The following ARHGAP26 variants were observed in gnomAD, a reference collection of about 807,000 sequenced individuals.
ARHGAP26 encodes Rho GTPase activating protein 26.
Under a neutral mutation model 104.8 loss-of-function variants are expected in ARHGAP26, and 38 were observed. That is an observed-to-expected ratio of 0.36 (90% confidence interval 0.28 to 0.48). The LOEUF is 0.48. ARHGAP26 is among the 20% of genes least tolerant of loss of function. The pLI, the probability that ARHGAP26 is intolerant of heterozygous loss-of-function variation, is 0.99. For synonymous variants in ARHGAP26, 341 were observed against 340.0 expected (o/e 1.00, Z -0.03); for missense variants, 704 against 947.9 (o/e 0.74, Z 3.38).
intron 10 of ARHGAP26, among the ~76,000 whole-genome samples, chr5:142,924,478 A>G (rs1763627572): frequency 6.6e-6 from 1 of 152,250 alleles, no homozygotes; most frequent in Non-Finnish European, 1.5e-5. Context: ...AAATAATGGT[A>G]GTGTCTACTT....
chr5:143,089,758 A>G lies in ARHGAP26; in HGVS notation c.1539-31230A>G, dbSNP rs1791126069. Among the ~76,000 whole-genome samples the G allele has an allele frequency of 2.0e-5, 3 of 152,262 alleles. No homozygotes were observed. In the South Asian group the frequency reaches 6.2e-4, roughly 32 times the overall value. On this transcript the variant is annotated intron_variant, in intron 17 of 22. Coordinates refer to ENST00000645722, the MANE Select transcript of ARHGAP26 (RefSeq NM_001135608.3). ...AAATATTGACTCAAATTCTGCAGCT[A>G]TTTTATTTCGGGCTTGAAATTGTTC...
At chr5:143,005,501 CAA>C (rs1777818663) in intron 11 of ARHGAP26, among the ~76,000 whole-genome samples, 1 of 152,214 alleles carries the variant, frequency 6.6e-6, no homozygotes, top group African/African-American at 2.4e-5. Flanking sequence ...CAGCCCCACC[CAA>C]ACCATATGAA....
chr5:143,061,795 G>A (rs1786749832), intron 17 of ARHGAP26, among the ~76,000 whole-genome samples: 1 of 152,178 alleles, frequency 6.6e-6, no homozygotes, highest in Admixed American at 6.5e-5. Flanking sequence ...CTAGCTCCTC[G>A]CAGAGTCCCA....
At chr5:142,808,743 G>A (rs1461310033) in intron 1 of ARHGAP26, among the ~76,000 whole-genome samples, 1 of 152,026 alleles carries the variant, frequency 6.6e-6, no homozygotes, top group East Asian at 1.9e-4. Context: ...TGGGACTAGG[G>A]TTGAGCTCCA....
intron 4 of ARHGAP26, among the ~76,000 whole-genome samples, chr5:142,880,083 C>G (rs1209721674): frequency 6.6e-6 from 1 of 152,214 alleles, no homozygotes; most frequent in Non-Finnish European, 1.5e-5. Context: ...CTGCTTCAAC[C>G]TGGAGATCAC....
chr5:142,973,965 A>G (rs1256075066), intron 11 of ARHGAP26, among the ~76,000 whole-genome samples: 1 of 152,118 alleles, frequency 6.6e-6, no homozygotes, highest in African/African-American at 2.4e-5. Context: ...ATACATTTTG[A>G]AGATTATTTT....
intron 1 of ARHGAP26, chr5:142,771,191 G>T: frequency 7.8e-7 from 1 of 1,284,314 alleles, no homozygotes; most frequent in Non-Finnish European, 9.8e-7. Context: ...GTGGGCGTGG[G>T]CGTGCGCGGC....
intron 8 of ARHGAP26, among the ~76,000 whole-genome samples, chr5:142,904,560 T>C (rs1760841712): frequency 6.6e-6 from 1 of 151,890 alleles, no homozygotes; most frequent in East Asian, 1.9e-4. Context: ...CTCATTGTTC[T>C]GCCAGTGATG....
At chr5:143,199,248 T>G (rs1807337654) in intron 20 of ARHGAP26, among the ~76,000 whole-genome samples, 1 of 152,224 alleles carries the variant, frequency 6.6e-6, no homozygotes, top group Non-Finnish European at 1.5e-5. Context: ...CATAAAGTTG[T>G]GAAGTACATA....
chr5:143,076,307 A>G (rs1431259246), intron 17 of ARHGAP26, among the ~76,000 whole-genome samples: 1 of 151,888 alleles, frequency 6.6e-6, no homozygotes, highest in Non-Finnish European at 1.5e-5. Flanking sequence ...CTTTTCTGTC[A>G]TCTCTGTCAG....
chr5:142,962,164 C>A (rs1770366073), intron 11 of ARHGAP26, among the ~76,000 whole-genome samples: 1 of 152,194 alleles, frequency 6.6e-6, no homozygotes, highest in Non-Finnish European at 1.5e-5. Flanking sequence ...ACAGATTATA[C>A]CAGACATTTC....
chr5:143,096,162 A>G (rs1431764871), intron 17 of ARHGAP26, among the ~76,000 whole-genome samples: 1 of 152,244 alleles, frequency 6.6e-6, no homozygotes, highest in Non-Finnish European at 1.5e-5. Flanking sequence ...TTCTTAGCCT[A>G]CATTGCTCAT....
At chr5:143,182,476 A>C (rs1021239207) in intron 20 of ARHGAP26, among the ~76,000 whole-genome samples, 2 of 152,200 alleles carry the variant, frequency 1.3e-5, no homozygotes, top group African/African-American at 2.4e-5. Context: ...GATTCTCAGC[A>C]CTTAGGACAA....
At chr5:142,894,735 A>G (rs972630856) in intron 6 of ARHGAP26, among the ~76,000 whole-genome samples, 11 of 152,166 alleles carry the variant, frequency 7.2e-5, no homozygotes, top group South Asian at 2.1e-4. Context: ...AATAATTCAG[A>G]TGTAGTAGTC....
intron 22 of ARHGAP26, among the ~76,000 whole-genome samples, chr5:143,215,677 T>A (rs1185475132): frequency 6.6e-6 from 1 of 152,228 alleles, no homozygotes; most frequent in African/African-American, 2.4e-5. Flanking sequence ...ACTTTGTCTC[T>A]CTAGATTTGC....
At chr5:143,204,392 G>A (rs1188303993) in intron 20 of ARHGAP26, among the ~76,000 whole-genome samples, 2 of 152,056 alleles carry the variant, frequency 1.3e-5, no homozygotes, top group Non-Finnish European at 2.9e-5. Flanking sequence ...GGCATGGTGG[G>A]GGGGATCTAT....
At chr5:143,009,280 C>G (rs1192675280) in intron 11 of ARHGAP26, among the ~76,000 whole-genome samples, 1 of 152,196 alleles carries the variant, frequency 6.6e-6, no homozygotes, top group Non-Finnish European at 1.5e-5. Flanking sequence ...CCCACAACAT[C>G]TCACCTTTAT....
chr5:143,048,391 G>C (rs905718012), intron 14 of ARHGAP26, among the ~76,000 whole-genome samples: 8 of 151,714 alleles, frequency 5.3e-5, no homozygotes, highest in African/African-American at 1.9e-4. Flanking sequence ...TACCTGAGTA[G>C]TTGGGACTAC....
At chr5:143,121,969 C>T (rs1252061762) in intron 18 of ARHGAP26, among the ~76,000 whole-genome samples, 1 of 152,192 alleles carries the variant, frequency 6.6e-6, no homozygotes, top group Non-Finnish European at 1.5e-5. Flanking sequence ...ATTAATCATG[C>T]ACAATAAATC....
Sources: allele counts gnomAD v4.1 joint callset (sites outside exome capture counted in the v4.1 genomes callset), GRCh38; gene constraint gnomAD v4.1.1; transcripts MANE v1.5; gene names NCBI Gene and HGNC (gene_info 2026-07-23, HGNC 2026-07-21).